The following DCC variants were observed in gnomAD, a reference collection of about 807,000 sequenced individuals.
The protein encoded by DCC is netrin receptor DCC.
In DCC, 58 loss-of-function variants were observed where a neutral mutation model predicts 172.5. That is an observed-to-expected ratio of 0.34 (90% CI 0.27 to 0.42). The LOEUF is 0.42. DCC is among the 10% of genes least tolerant of loss of function. The probability of loss-of-function intolerance (pLI) is 1.00; values close to 1 mark genes in which losing one functional copy is unlikely to be tolerated. For missense variants in DCC, 1,740 were observed against 1,791.0 expected (o/e 0.97, Z 0.51); for synonymous variants, 709 against 644.5 (o/e 1.10, Z -1.52).
chr18:53,168,116 G>T (rs559656923), intron 8 of DCC, among the ~76,000 whole-genome samples: 1 of 152,302 alleles, frequency 6.6e-6, no homozygotes, highest in Non-Finnish European at 1.5e-5. Flanking sequence ...ACTGTTGGTG[G>T]GAGTGTAAAT....
chr18:52,986,066 A>G (rs1207224950), intron 5 of DCC, among the ~76,000 whole-genome samples: 1 of 152,116 alleles, frequency 6.6e-6, no homozygotes, highest in African/African-American at 2.4e-5. Flanking sequence ...CATATGTATG[A>G]AATAGGATGT....
intron 12 of DCC, among the ~76,000 whole-genome samples, chr18:53,222,588 A>G (rs1329249459): frequency 4.0e-5 from 6 of 151,514 alleles, no homozygotes; most frequent in East Asian, 1.9e-4. Context: ...GGGTTTCACC[A>G]TATTGTCCAG....
intron 14 of DCC, among the ~76,000 whole-genome samples, chr18:53,329,674 A>G (rs1489929837): frequency 1.3e-5 from 2 of 152,200 alleles, no homozygotes; most frequent in Admixed American, 1.3e-4. Flanking sequence ...TTATTTCCAA[A>G]TCAATGAATA....
chr18:53,369,683 G>C, intron 15 of DCC, among the ~76,000 whole-genome samples: 1 of 151,806 alleles, frequency 6.6e-6, no homozygotes, highest in East Asian at 1.9e-4. Context: ...TCTACTGAAA[G>C]GGTGTTGAAT....
At chr18:53,201,551 A>T (rs2055537706) in intron 9 of DCC, among the ~76,000 whole-genome samples, 1 of 152,186 alleles carries the variant, frequency 6.6e-6, no homozygotes, top group Non-Finnish European at 1.5e-5. Context: ...TGTCTTTGTG[A>T]ATATATCAAT....
intron 25 of DCC, among the ~76,000 whole-genome samples, chr18:53,471,891 T>A (rs59555825): frequency 0.021 from 3,173 of 152,206 alleles, 112 homozygotes; most frequent in African/African-American, 0.072. Flanking sequence ...CTATTTGTGG[T>A]TTTGTGTTTG....
intron 12 of DCC, among the ~76,000 whole-genome samples, chr18:53,220,862 G>A (rs1013104981): frequency 6.6e-6 from 1 of 152,024 alleles, no homozygotes. Context: ...GAAAGTTTTA[G>A]GAAGGGTGGG....
intron 1 of DCC, among the ~76,000 whole-genome samples, chr18:52,492,213 G>C (rs913355639): frequency 1.3e-5 from 2 of 151,898 alleles, no homozygotes; most frequent in Non-Finnish European, 2.9e-5. Context: ...AAACTTGGGG[G>C]GTAGTGGGAC....
intron 12 of DCC, among the ~76,000 whole-genome samples, chr18:53,258,634 A>C (rs892038864): frequency 5.3e-5 from 8 of 152,144 alleles, no homozygotes; most frequent in African/African-American, 1.9e-4. Flanking sequence ...ACTTCCAACT[A>C]TGTGGTCAGT....
intron 15 of DCC, among the ~76,000 whole-genome samples, chr18:53,364,988 A>G (rs1051508892): frequency 1.0e-4 from 15 of 146,178 alleles, no homozygotes; most frequent in Admixed American, 4.3e-4. Context: ...TCTGAATTCT[A>G]TCTTTAAGGA....
At chr18:53,209,976 C>T (rs955912149) in intron 11 of DCC, among the ~76,000 whole-genome samples, 49 of 152,124 alleles carry the variant, frequency 3.2e-4, no homozygotes, top group Admixed American at 5.9e-4. Context: ...AAAAGTATTT[C>T]GTGACCCTAA....
At chr18:52,604,630 G>A (rs1568251492) in intron 1 of DCC, among the ~76,000 whole-genome samples, 1 of 152,108 alleles carries the variant, frequency 6.6e-6, no homozygotes, top group Non-Finnish European at 1.5e-5. Context: ...GATTTCCACT[G>A]ACATCTCAGA....
intron 27 of DCC, among the ~76,000 whole-genome samples, chr18:53,525,113 T>G (rs1414897528): frequency 1.3e-5 from 2 of 152,076 alleles, no homozygotes. Flanking sequence ...TAATCTCATT[T>G]AATCCTAACA....
At chr18:52,846,403 G>T (rs952110712) in intron 2 of DCC, among the ~76,000 whole-genome samples, 1 of 152,138 alleles carries the variant, frequency 6.6e-6, no homozygotes, top group African/African-American at 2.4e-5. Context: ...AGCCAGGCAC[G>T]GTGGTGCCAA....
intron 5 of DCC, among the ~76,000 whole-genome samples, chr18:52,948,708 G>A (rs1185889164): frequency 6.6e-6 from 1 of 152,174 alleles, no homozygotes; most frequent in African/African-American, 2.4e-5. Context: ...TTCAGCTGCT[G>A]TGTAGTTTCC....
chr18:53,065,129 A>G (rs1203686016), intron 6 of DCC, among the ~76,000 whole-genome samples: 1 of 152,152 alleles, frequency 6.6e-6, no homozygotes, highest in Non-Finnish European at 1.5e-5. Context: ...ACAAATAGTA[A>G]GTTATATGAA....
At chr18:52,544,618 G>A (rs1316259790) in intron 1 of DCC, among the ~76,000 whole-genome samples, 1 of 152,062 alleles carries the variant, frequency 6.6e-6, no homozygotes, top group Non-Finnish European at 1.5e-5. Flanking sequence ...GCTATTCCAT[G>A]CATGTCAAGG....
At chr18:53,383,876 T>G (rs980513722) in intron 15 of DCC, among the ~76,000 whole-genome samples, 3 of 152,138 alleles carry the variant, frequency 2.0e-5, no homozygotes, top group Admixed American at 6.5e-5. Flanking sequence ...TTTACCCATT[T>G]GCTTTATTCC....
At chr18:53,265,332 T>A (rs929094430) in intron 12 of DCC, among the ~76,000 whole-genome samples, 7 of 152,104 alleles carry the variant, frequency 4.6e-5, no homozygotes, top group African/African-American at 1.7e-4. Context: ...AAAGGTAAAC[T>A]TTTTTGCATG....
Sources: gnomAD v4.1 joint callset for allele counts (sites outside exome capture counted in the v4.1 genomes callset) on GRCh38, gnomAD v4.1.1 for gene constraint, MANE v1.5 for transcripts, NCBI Gene and HGNC (gene_info 2026-07-23, HGNC 2026-07-21) for gene names.